The following ZNF469 variants were observed in gnomAD, a reference collection of about 807,000 sequenced individuals.
ZNF469 encodes zinc finger protein 469.
ZNF469 carries 1 observed loss-of-function variant against 1.0 expected under a neutral mutation model. The ratio of observed to expected loss-of-function variants is 1.00; its 90% CI spans 0.35 to 4.73. The LOEUF is 4.73. Among genes scored for constraint, ZNF469 ranks in the 30% most tolerant of loss-of-function variants. ZNF469 has a pLI of 0.16. For synonymous variants in ZNF469, 2,703 were observed against 2,363.4 expected, an observed-to-expected ratio of 1.14 and a Z score of -4.17; for missense variants, 6,100 against 5,356.3, an observed-to-expected ratio of 1.14 and a Z score of -4.33.
Position 88,434,768 on chromosome 16 carries a change from C to T in ZNF469, c.7298C>T (p.Thr2433Ile), listed in dbSNP as rs1026835942. The change falls in exon 3 of 3, where the codon ACT becomes ATT. Residue 2433 changes from threonine (T) to isoleucine (I), a missense_variant. Physicochemically the swap from Thr to Ile is moderately conservative, Grantham distance 89. Transcript: ENST00000565624. Reference sequence around the variant, plus strand: ...AGCCACAGAAATGCCTCCCACCAGACTCCCCAGGGGGACCCCCTCGGCCCC... The same window carrying T: ...AGCCACAGAAATGCCTCCCACCAGATTCCCCAGGGGGACCCCCTCGGCCCC... ...PQSHRNASHQ[T>I]PQGDPLGPQD... 11 of 1,550,282 alleles carry T rather than the reference C, an allele frequency of 7.1e-6. No individual in the cohort carries two copies. The highest frequency in any genetic ancestry group is 9.6e-6 in the Non-Finnish European group (11 of 1,146,982).
At chr16:88,373,279 C>T in the ZNF469 span, among the ~76,000 whole-genome samples, 21 of 152,222 alleles carry the variant, frequency 1.4e-4, no homozygotes, top group African/African-American at 4.8e-4. Flanking sequence ...CAGGGATGTC[C>T]AGCTCCCTGG....
the ZNF469 span, among the ~76,000 whole-genome samples, chr16:88,127,463 T>G: frequency 6.6e-5 from 10 of 152,236 alleles, no homozygotes; most frequent in Non-Finnish European, 1.5e-5. Flanking sequence ...TCCTTTACAG[T>G]AGTAATATCA....
Position 88,436,165 on chromosome 16 carries a change from G to T in ZNF469, c.8695G>T (p.Gly2899Cys). Reference protein sequence around the residue: ...LPTQPSFEEGGDPTLGPARLP... With the variant: ...LPTQPSFEEGCDPTLGPARLP... ...AACCCAGCCCAGCTTTGAGGAGGGCGGTGACCCCACGCTGGGCCCAGCCCG... is the reference window on the plus strand; with the variant it reads ...AACCCAGCCCAGCTTTGAGGAGGGCTGTGACCCCACGCTGGGCCCAGCCCG... The change falls in exon 3 of 3, where the codon GGT (glycine) becomes TGT (cysteine). Residue 2899 changes from glycine to cysteine, a missense_variant. Physicochemically the swap from Gly to Cys is radical, Grantham distance 159. Coordinates refer to ENST00000565624, the MANE Select transcript of ZNF469 (RefSeq NM_001367624.2). 1 of 1,547,694 alleles carries T rather than the reference G, an allele frequency of 6.5e-7. No individual in the cohort carries two copies.
At chr16:88,195,522 G>A in the ZNF469 span, among the ~76,000 whole-genome samples, 15 of 152,300 alleles carry the variant, frequency 9.8e-5, no homozygotes, top group South Asian at 2.1e-4. Context: ...TGGGGCTGTC[G>A]GCTGATCCTG....
chr16:88,144,174 C>T, the ZNF469 span, among the ~76,000 whole-genome samples: 66 of 152,210 alleles, frequency 4.3e-4, no homozygotes, highest in South Asian at 1.0e-3. Flanking sequence ...AGTGAGCAGC[C>T]GGTGGGACAG....
chr16:88,181,126 A>G, the ZNF469 span, among the ~76,000 whole-genome samples: 7 of 149,938 alleles, frequency 4.7e-5, no homozygotes, highest in Admixed American at 1.3e-4. Context: ...GCTGGAGTGC[A>G]GTGGCACGAT....
chr16:88,188,090 T>C, the ZNF469 span, among the ~76,000 whole-genome samples: 1 of 152,152 alleles, frequency 6.6e-6, no homozygotes, highest in South Asian at 2.1e-4. Flanking sequence ...TCACGCAGTT[T>C]CCAAGCAAAC....
intron 1 of ZNF469, among the ~76,000 whole-genome samples, chr16:88,392,092 A>G (rs1209708952): frequency 6.6e-6 from 1 of 152,260 alleles, no homozygotes; most frequent in Non-Finnish European, 1.5e-5. Flanking sequence ...ATTTAAAAAT[A>G]TGTAAAGAAA....
the ZNF469 span, among the ~76,000 whole-genome samples, chr16:88,107,207 C>G: frequency 6.6e-6 from 1 of 152,164 alleles, no homozygotes; most frequent in South Asian, 2.1e-4. Flanking sequence ...CTGGATTAGC[C>G]CATTTTCACA....
the ZNF469 span, among the ~76,000 whole-genome samples, chr16:88,259,424 C>T: frequency 1.3e-5 from 2 of 152,204 alleles, no homozygotes; most frequent in Admixed American, 6.5e-5. This position sits in a 1 kb window ranked among gnomAD's most constrained non-coding sequence, Gnocchi z 4.1. Context: ...GGAAAAACAA[C>T]AGGTTTTTCC....
chr16:88,199,220 A>G, the ZNF469 span, among the ~76,000 whole-genome samples: 4 of 152,330 alleles, frequency 2.6e-5, no homozygotes, highest in East Asian at 1.9e-4. Context: ...CAGATGACAC[A>G]TTTGTGAGTG....
rs763917433 is a variant in ZNF469 at position 88,433,910 on chromosome 16, G to A, written c.6440G>A (p.Gly2147Glu). 6.5e-7 allele frequency: 1 copy of A among 1,549,368 alleles called. No homozygotes were observed. Among genetic ancestry groups the A allele is most frequent in the South Asian group, 1.2e-5 (1 of 84,028 alleles). Reference protein sequence around the residue: ...TSPSRAQGGLGGQLPASPSCR... With the variant: ...TSPSRAQGGLEGQLPASPSCR... ...CCTTCCAGGGCCCAAGGTGGGCTGG[G>A]GGGGCAGCTGCCAGCATCTCCGTCC... is the stretch of plus-strand genomic sequence containing the variant. Residue 2147 changes from glycine (G) to glutamate (E), a missense_variant, in exon 3 of 3, where the codon GGG becomes GAG. By Grantham distance (98) the Gly-to-Glu change is moderately conservative. Coordinates refer to ENST00000565624, the MANE Select transcript of ZNF469 (RefSeq NM_001367624.2).
chr16:88,203,055 G>T, the ZNF469 span, among the ~76,000 whole-genome samples: 2 of 152,200 alleles, frequency 1.3e-5, no homozygotes, highest in Non-Finnish European at 2.9e-5. Flanking sequence ...CGGGGGCGGG[G>T]GCCGTGAGTC....
At chr16:88,150,707 C>T in the ZNF469 span, among the ~76,000 whole-genome samples, 2 of 129,132 alleles carry the variant, frequency 1.5e-5, no homozygotes, top group African/African-American at 5.9e-5. Context: ...TGGGTGGGGC[C>T]GATTCGGGAG....
the ZNF469 span, among the ~76,000 whole-genome samples, chr16:88,182,562 T>C: frequency 1.3e-5 from 2 of 151,876 alleles, no homozygotes; most frequent in Non-Finnish European, 2.9e-5. Context: ...CAAAACAAAA[T>C]AGAGTCTTGG....
At chr16:88,113,596 T>C in the ZNF469 span, among the ~76,000 whole-genome samples, 1 of 152,072 alleles carries the variant, frequency 6.6e-6, no homozygotes, top group African/African-American at 2.4e-5. Flanking sequence ...AGGCCATGCT[T>C]TTTGGGTCTC....
chr16:88,381,726 T>A (rs1372860566), upstream of ZNF469, among the ~76,000 whole-genome samples: 1 of 152,256 alleles, frequency 6.6e-6, no homozygotes. Context: ...CTTTTTCAAT[T>A]CACGTTTTCG....
At chr16:88,257,493 A>C in the ZNF469 span, among the ~76,000 whole-genome samples, 1 of 152,192 alleles carries the variant, frequency 6.6e-6, no homozygotes, top group Non-Finnish European at 1.5e-5. Flanking sequence ...CATCTTTCAC[A>C]GAGCAGAAGT....
At chr16:88,400,807 C>A (rs1303304028) in intron 1 of ZNF469, among the ~76,000 whole-genome samples, 2 of 151,996 alleles carry the variant, frequency 1.3e-5, no homozygotes, top group African/African-American at 4.8e-5. Flanking sequence ...AGAATCTCTT[C>A]AGATCGTGTT....
Sources: allele counts gnomAD v4.1 joint callset (sites outside exome capture counted in the v4.1 genomes callset), GRCh38; gene constraint gnomAD v4.1.1; non-coding constraint Gnocchi (gnomAD v3.1); transcripts MANE v1.5; gene names NCBI Gene and HGNC (gene_info 2026-07-23, HGNC 2026-07-21).